OCA2: variants seen among roughly 807,000 people sequenced by gnomAD.
OCA2 encodes P protein.
Under a neutral mutation model 100.2 loss-of-function variants are expected in OCA2, and 77 were observed. The observed-to-expected ratio is 0.77, with a 90% CI of 0.64 to 0.93. OCA2 has a LOEUF of 0.93. OCA2 is among the 40% of genes least tolerant of loss of function. The pLI is 0.00. For missense variants in OCA2, 1,062 were observed against 1,089.1 expected, an observed-to-expected ratio of 0.98 and a Z score of 0.35; for synonymous variants, 432 against 439.2, an observed-to-expected ratio of 0.98 and a Z score of 0.21.
At chr15:27,986,062 A>G (rs2041343037) in intron 12 of OCA2, among the ~76,000 whole-genome samples, 1 of 152,220 alleles carries the variant, frequency 6.6e-6, no homozygotes, top group African/African-American at 2.4e-5. Context: ...ACTAGACTGC[A>G]TTAGCAGGGC....
chr15:27,863,475 C>T (rs914312427), intron 21 of OCA2, among the ~76,000 whole-genome samples: 7 of 152,152 alleles, frequency 4.6e-5, no homozygotes, highest in African/African-American at 1.7e-4. Context: ...GTGGGTCACC[C>T]GGCACCTTGT....
At chr15:28,066,072 C>G (rs753037696) in intron 2 of OCA2, among the ~76,000 whole-genome samples, 54 of 152,222 alleles carry the variant, frequency 3.5e-4, no homozygotes, top group Middle Eastern at 3.4e-3. Context: ...AGCAAGTTTG[C>G]AGAACACAAG....
the OCA2 span, among the ~76,000 whole-genome samples, chr15:27,730,158 T>A: frequency 1.3e-5 from 2 of 152,182 alleles, no homozygotes; most frequent in African/African-American, 4.8e-5. Flanking sequence ...CTCACACAGC[T>A]CCTCCTCTGG....
chr15:27,958,304 A>G (rs112028028), intron 15 of OCA2, among the ~76,000 whole-genome samples: 1 of 152,166 alleles, frequency 6.6e-6, no homozygotes. Flanking sequence ...ACCCAACAAC[A>G]TTTCCCCTTC....
At chr15:28,029,958 T>C (rs2042866022) in intron 3 of OCA2, among the ~76,000 whole-genome samples, 1 of 152,254 alleles carries the variant, frequency 6.6e-6, no homozygotes, top group Non-Finnish European at 1.5e-5. Flanking sequence ...TCCCAGGGCA[T>C]GTCTCTGCTC....
At chr15:28,085,066 C>T (rs2044754565) in intron 1 of OCA2, among the ~76,000 whole-genome samples, 1 of 152,164 alleles carries the variant, frequency 6.6e-6, no homozygotes, top group African/African-American at 2.4e-5. Context: ...TAGAGTCTGC[C>T]ACCTGTGGCC....
At chr15:27,738,691 C>T in the OCA2 span, among the ~76,000 whole-genome samples, 2 of 148,192 alleles carry the variant, frequency 1.3e-5, no homozygotes, top group South Asian at 2.2e-4. Flanking sequence ...GCCGAGATCG[C>T]GCCACCGCAC....
intron 21 of OCA2, among the ~76,000 whole-genome samples, chr15:27,855,430 C>T (rs7163379): frequency 0.43 from 65,026 of 152,032 alleles, 15,794 homozygotes; most frequent in African/African-American, 0.64. Flanking sequence ...TGTGCAGTTG[C>T]CCATGCCCAC....
At chr15:27,821,357 G>C (rs976563589) in intron 23 of OCA2, among the ~76,000 whole-genome samples, 6 of 152,014 alleles carry the variant, frequency 3.9e-5, no homozygotes, top group African/African-American at 1.4e-4. Context: ...TCTTCAGTTG[G>C]AACAACACAC....
chr15:27,775,700 G>C (rs2032170096), intron 23 of OCA2: 1 of 152,294 alleles, frequency 6.6e-6, no homozygotes, highest in South Asian at 2.1e-4. Context: ...TCTAAAGGTT[G>C]GATGTCCGAG....
At chr15:27,899,014 A>G (rs575353199) in intron 19 of OCA2, among the ~76,000 whole-genome samples, 1 of 152,328 alleles carries the variant, frequency 6.6e-6, no homozygotes, top group African/African-American at 2.4e-5. Context: ...TATATCTCAT[A>G]AAGTTAAAAA....
intron 19 of OCA2, among the ~76,000 whole-genome samples, chr15:27,876,428 C>T (rs1434121901): frequency 6.6e-6 from 1 of 151,916 alleles, no homozygotes; most frequent in Non-Finnish European, 1.5e-5. Context: ...ATACGTTTGT[C>T]TTAATATCAG....
chr15:28,011,933 G>A (rs2042252602), intron 9 of OCA2, among the ~76,000 whole-genome samples: 1 of 150,568 alleles, frequency 6.6e-6, no homozygotes, highest in African/African-American at 2.4e-5. Flanking sequence ...GAAAAAAAAA[G>A]GCCGGCACTG....
chr15:27,946,389 G>A (rs972929338), intron 18 of OCA2, among the ~76,000 whole-genome samples: 1 of 152,224 alleles, frequency 6.6e-6, no homozygotes, highest in African/African-American at 2.4e-5. Flanking sequence ...ATGGCTGAGT[G>A]TCAGCCAATC....
chr15:27,902,400 C>T (rs2037984786), intron 19 of OCA2, among the ~76,000 whole-genome samples: 1 of 152,170 alleles, frequency 6.6e-6, no homozygotes, highest in South Asian at 2.1e-4. Context: ...TTATTCGTAT[C>T]ATAATTATAG....
intron 23 of OCA2, among the ~76,000 whole-genome samples, chr15:27,776,974 T>TG (rs368182175): frequency 0.35 from 15,096 of 42,882 alleles, 1,555 homozygotes; most frequent in East Asian, 0.64. Flanking sequence ...GAGCGTGAGG[T>TG]GGGGGGGGGT....
At chr15:28,020,600 A>C (rs553618680) in intron 6 of OCA2, among the ~76,000 whole-genome samples, 1 of 152,066 alleles carries the variant, frequency 6.6e-6, no homozygotes, top group African/African-American at 2.4e-5. Flanking sequence ...CATCCTGGAG[A>C]AGTAATGCAG....
rs544026743 is a variant in OCA2, at chr15:28,098,454, A to G, written c.-22+770T>C. On this transcript the variant is annotated intron_variant, in intron 1 of 23. Transcript: ENST00000354638. ...ACCGCAGCTGGTTTAGGTAGACAGCAGCTGCCCACAACTGCTAACAGCCTC... is the reference window on the plus strand; with the variant it reads ...ACCGCAGCTGGTTTAGGTAGACAGCGGCTGCCCACAACTGCTAACAGCCTC... 3.4e-4 allele frequency among the ~76,000 whole-genome samples: 52 copies of G among 152,356 alleles called. No individual in the cohort carries two copies. In the East Asian group the frequency reaches 5.4e-3, roughly 16 times the overall value.
At chr15:28,002,833 C>T (rs1230644083) in intron 9 of OCA2, among the ~76,000 whole-genome samples, 5 of 152,184 alleles carry the variant, frequency 3.3e-5, no homozygotes, top group Admixed American at 3.3e-4. Context: ...CTTTGCAAGG[C>T]CCCTTGGACA....
Sources: gnomAD v4.1 joint callset for allele counts (sites outside exome capture counted in the v4.1 genomes callset) on GRCh38, gnomAD v4.1.1 for gene constraint, MANE v1.5 for transcripts, NCBI Gene and HGNC (gene_info 2026-07-23, HGNC 2026-07-21) for gene names.